The following PRC1 variants were observed in gnomAD, a reference collection of about 807,000 sequenced individuals.
The protein encoded by PRC1 is protein regulator of cytokinesis 1.
A neutral mutation model predicts 91.2 loss-of-function variants in PRC1; 54 were observed. The ratio of observed to expected loss-of-function variants is 0.59; its 90% CI spans 0.48 to 0.74. PRC1 has a LOEUF of 0.74. PRC1 is among the 30% of genes least tolerant of loss of function. The pLI is 0.00. For missense variants in PRC1, 727 were observed against 746.2 expected (o/e 0.97, Z 0.30); for synonymous variants, 275 against 263.6 (o/e 1.04, Z -0.42).
At chr15:90,992,394 T>C (rs1210291667) in intron 1 of PRC1, among the ~76,000 whole-genome samples, 1 of 152,192 alleles carries the variant, frequency 6.6e-6, no homozygotes, top group African/African-American at 2.4e-5. Context: ...ATTCAAGAAG[T>C]ATTTTTCTTT....
intron 7 of PRC1, among the ~76,000 whole-genome samples, chr15:90,980,005 G>C (rs1169066739): frequency 6.6e-6 from 1 of 152,212 alleles, no homozygotes; most frequent in East Asian, 1.9e-4. Context: ...TAAATGTCTT[G>C]AAAAGGTGGC....
At chr15:90,988,284 C>G (rs890223966) in intron 1 of PRC1, 2 of 152,056 alleles carry the variant, frequency 1.3e-5, no homozygotes, top group East Asian at 1.9e-4. Flanking sequence ...GATGCAAAAC[C>G]CTGGCTTCCA....
At position 90,976,713 on chromosome 15, in the gene PRC1, T is replaced by C. The variant is rs2038732452; in HGVS notation, c.1166A>G (p.Glu389Gly). ...TTTCTGGAGCTTGGCTCGTTGTTTT[T>C]CTTCTTTTAGAAGATTTCCTCCTCG... ...TNRGGNLLKE[E>G]KQRAKLQKML... Residue 389 changes from glutamate (E) to glycine (G), a missense_variant, in exon 9 of 15, where the codon GAA (glutamate) becomes GGA (glycine). Coordinates refer to ENST00000394249, the MANE Select transcript of PRC1 (RefSeq NM_003981.4). 6.2e-7 allele frequency: 1 copy of C among 1,613,786 alleles called. No homozygotes were observed.
chr15:90,992,821 G>C (rs2040055724), intron 1 of PRC1, among the ~76,000 whole-genome samples: 1 of 151,878 alleles, frequency 6.6e-6, no homozygotes, highest in African/African-American at 2.4e-5. Context: ...TAAATCACTG[G>C]ACTGGAAGGT....
rs540881220 is a variant in PRC1 at position 90,992,875 on chromosome 15, T to C, written c.11+1532A>G. On this transcript the variant is annotated intron_variant, in intron 1 of 14. Coordinates refer to ENST00000394249, the MANE Select transcript of PRC1 (RefSeq NM_003981.4). The stretch of plus-strand genomic sequence containing the variant: ...AATTATTTTCTACCTTCAGGCAGCC[T>C]TCACTGATCCACTGCCCTATTTTTT... 2.4e-4 allele frequency among the ~76,000 whole-genome samples: 37 copies of C among 152,086 alleles called. 1 individual carries two copies. In the South Asian group the frequency reaches 5.8e-3, roughly 24 times the overall value.
In PRC1 at chr15:90,974,284, G is replaced by T; in HGVS notation, c.1351-38C>A. The T allele has an allele frequency of 6.4e-7, 1 of 1,551,904 alleles. No individual in the cohort carries two copies. Among genetic ancestry groups the T allele is most frequent in the South Asian group, 1.1e-5 (1 of 89,820 alleles). ...CAGAAGCAACAGTGATAAATCTCAG[G>T]AAGAGAGCGGGTCTGGGATGGCAAC... On this transcript the variant is annotated intron_variant, in intron 10 of 14. Transcript: ENST00000394249. The surrounding 1 kb of genome is among the most constrained non-coding windows in gnomAD (Gnocchi z 4.6).
At chr15:90,992,098 T>C (rs1479484334) in intron 1 of PRC1, among the ~76,000 whole-genome samples, 1 of 152,192 alleles carries the variant, frequency 6.6e-6, no homozygotes, top group African/African-American at 2.4e-5. Flanking sequence ...TTTTCCCCCA[T>C]GCTGCATGGC....
At chr15:90,990,778 CTTTTT>C (rs545709145) in intron 1 of PRC1, among the ~76,000 whole-genome samples, 197 of 148,476 alleles carry the variant, frequency 1.3e-3, no homozygotes, top group African/African-American at 4.6e-3. Flanking sequence ...TTTTTGGTTT[CTTTTT>C]TTTTTCTTTT....
At chr15:90,969,855 G>C (rs1227531848) in intron 12 of PRC1, among the ~76,000 whole-genome samples, 1 of 149,742 alleles carries the variant, frequency 6.7e-6, no homozygotes. Flanking sequence ...GGCCAAGGCA[G>C]GAGGATTGCT....
In PRC1 at chr15:90,980,398, AAG is replaced by A; in HGVS notation, c.823-11_823-10del. The A allele has an allele frequency of 1.2e-6, 2 of 1,612,308 alleles. No individual in the cohort carries two copies. Among genetic ancestry groups the A allele is most frequent in the Non-Finnish European group, 1.7e-6 (2 of 1,179,482 alleles). The stretch of plus-strand genomic sequence containing the variant: ...TCCACTTCTAATTGCAGCTGAAAGA[AAG>A]AAACTTGTTAAGGGTGGCTGCCATA... On this transcript the variant is annotated splice_polypyrimidine_tract_variant and intron_variant, in intron 6 of 14. Coordinates refer to ENST00000394249, the MANE Select transcript of PRC1 (RefSeq NM_003981.4).
In PRC1 at chr15:90,969,549, C is replaced by T. The variant is rs370740196; in HGVS notation, c.1647G>A (p.Leu549=). The T allele has an allele frequency of 6.2e-7, 1 of 1,613,766 alleles. No homozygotes were observed. Among genetic ancestry groups the T allele is most frequent in the Non-Finnish European group, 8.5e-7 (1 of 1,179,860 alleles). ...CACTCAGGATGCTGCCGTTGAGCTC[C>T]AGGTTCTCCTTGTTGGCTCCATGCC... ...TGRHGANKEN[L]ELNGSILSGG... The change falls in exon 13 of 15, where the codon CTG becomes CTA. Residue 549 remains leucine, a synonymous_variant. Coordinates refer to ENST00000394249, the MANE Select transcript of PRC1 (RefSeq NM_003981.4).
intron 14 of PRC1, 131 bp downstream of exon 14, chr15:90,968,948 T>C (rs2037796928): frequency 2.0e-6 from 3 of 1,515,588 alleles, no homozygotes; most frequent in South Asian, 2.5e-5. Context: ...TTTGAGTCCA[T>C]GATAGGAATT....
At chr15:90,976,814 T>C (rs779816572) in intron 8 of PRC1, 43 bp from the exon 9 acceptor site, 2 of 1,479,606 alleles carry the variant, frequency 1.4e-6, no homozygotes, top group Non-Finnish European at 1.9e-6. Flanking sequence ...CCTGGCACCA[T>C]GAGACCAATA....
At chr15:90,968,323 T>C in intron 14 of PRC1, 5 of 985,522 alleles carry the variant, frequency 5.1e-6, no homozygotes, top group Non-Finnish European at 6.0e-6. Context: ...GTTTCAGTGA[T>C]CAAAACTAGC....
chr15:90,978,560 T>G (rs926350613), intron 8 of PRC1, among the ~76,000 whole-genome samples: 3 of 152,036 alleles, frequency 2.0e-5, no homozygotes, highest in African/African-American at 7.2e-5. Context: ...GAGACCAGCC[T>G]GGCCAACATG....
intron 14 of PRC1, chr15:90,967,825 G>A (rs770897292): frequency 3.9e-4 from 385 of 983,982 alleles, no homozygotes; most frequent in Non-Finnish European, 4.5e-4. Context: ...CTGTCATTAA[G>A]CGAGGCATGA....
intron 11 of PRC1, among the ~76,000 whole-genome samples, chr15:90,972,158 TAGTG>T (rs1596284608): frequency 1.5e-5 from 2 of 132,748 alleles, no homozygotes; most frequent in Non-Finnish European, 3.1e-5. Context: ...CTGGACAACT[TAGTG>T]AGACCTCATC....
intron 1 of PRC1, among the ~76,000 whole-genome samples, chr15:90,989,400 C>A (rs6496745): frequency 6.8e-6 from 1 of 148,094 alleles, no homozygotes; most frequent in South Asian, 2.1e-4. Flanking sequence ...GACGTGCCAT[C>A]GTGCTTGGCT....
In PRC1 at chr15:90,990,391, A is replaced by AT. The variant is rs200166312; in HGVS notation, c.11+4015dup. ...AAATAAATAAATAAATAAATAAATA[A>AT]TTTTTTTTTTTTTTTTAAGAGGTAG... On this transcript the variant is annotated intron_variant, in intron 1 of 14. Coordinates refer to ENST00000394249, the MANE Select transcript of PRC1 (RefSeq NM_003981.4). 6.9e-3 allele frequency among the ~76,000 whole-genome samples: 976 copies of AT among 141,838 alleles called. 8 individuals carry two copies. Among genetic ancestry groups the AT allele is most frequent in the South Asian group, 0.016 (74 of 4,588 alleles). 93.1% of individuals were successfully genotyped at this position (141,838 alleles called of 152,430 possible). A position where few individuals can be genotyped will look rare whatever the true frequency, so the allele number is the denominator to read the frequency against.
Sources: allele counts gnomAD v4.1 joint callset (sites outside exome capture counted in the v4.1 genomes callset), GRCh38; gene constraint gnomAD v4.1.1; non-coding constraint Gnocchi (gnomAD v3.1); transcripts MANE v1.5; gene names NCBI Gene and HGNC (gene_info 2026-07-23, HGNC 2026-07-21).